Variants in RMST observed in about 807,000 individuals in gnomAD.
RMST encodes rhabdomyosarcoma 2 associated transcript.
intron 5 of RMST, among the ~76,000 whole-genome samples, chr12:97,467,828 G>A (rs1873377635): frequency 6.6e-6 from 1 of 151,960 alleles, no homozygotes; most frequent in Non-Finnish European, 1.5e-5. Flanking sequence ...CGGGGGAAAG[G>A]CTAAAACCTG....
In RMST at chr12:97,546,543, C is replaced by T. The variant is rs553418759; in HGVS notation, n.1546-13994C>T. 2.2e-3 allele frequency among the ~76,000 whole-genome samples: 336 copies of T among 152,144 alleles called. 2 individuals are homozygous for T. Among genetic ancestry groups the T allele is most frequent in the African/African-American group, 7.8e-3 (323 of 41,514 alleles). ...GTTGCAGTGAACCGAGATCTCACCA[C>T]TGCACTCCAGCCTGGGTGACAGAAC... On this transcript the variant is annotated intron_variant and non_coding_transcript_variant, in intron 11 of 13. Transcript: ENST00000640149.
At chr12:97,533,889 G>A (rs1451853086) in intron 11 of RMST, 1 of 151,786 alleles carries the variant, frequency 6.6e-6, no homozygotes, top group East Asian at 1.9e-4. Flanking sequence ...TTTTGCACAA[G>A]CTTTTCATGT....
intron 9 of RMST, chr12:97,495,881 C>T (rs1877362989): frequency 6.6e-6 from 1 of 152,108 alleles, no homozygotes; most frequent in Non-Finnish European, 1.5e-5. Context: ...CTGGTTCTTT[C>T]TGGATCCATC....
intron 10 of RMST, chr12:97,530,228 T>C (rs1881503405): frequency 6.6e-6 from 1 of 152,012 alleles, no homozygotes; most frequent in Non-Finnish European, 1.5e-5. Context: ...TTTCTAAAAC[T>C]TTCCTTAAAT....
At chr12:97,542,307 C>T (rs2136625719) in intron 11 of RMST, among the ~76,000 whole-genome samples, 1 of 151,938 alleles carries the variant, frequency 6.6e-6, no homozygotes, top group East Asian at 1.9e-4. Context: ...TGCTTCTCCA[C>T]TCAAGGGATA....
At chr12:97,463,073 C>T (rs1427907701) in intron 3 of RMST, 1 of 149,920 alleles carries the variant, frequency 6.7e-6, no homozygotes, top group South Asian at 2.2e-4. Context: ...CACACACACA[C>T]AGAGACGCAC....
intron 5 of RMST, among the ~76,000 whole-genome samples, chr12:97,476,393 G>T (rs1208104422): frequency 6.6e-6 from 1 of 152,168 alleles, no homozygotes; most frequent in Non-Finnish European, 1.5e-5. Flanking sequence ...ATGCCCAAGT[G>T]TGTATAGAAA....
At chr12:97,524,057 C>G (rs1203893594) in intron 10 of RMST, among the ~76,000 whole-genome samples, 1 of 63,052 alleles carries the variant, frequency 1.6e-5, no homozygotes, top group African/African-American at 5.1e-5. Context: ...GCCTGGGCAA[C>G]AGAGTGAGAC....
At chr12:97,525,370 A>G (rs756077005) in intron 10 of RMST, among the ~76,000 whole-genome samples, 30 of 152,228 alleles carry the variant, frequency 2.0e-4, no homozygotes, top group Non-Finnish European at 2.8e-4. Context: ...GGTAGGCATT[A>G]GCGGGTGGAT....
At chr12:97,470,949 C>T (rs1873839137) in intron 5 of RMST, among the ~76,000 whole-genome samples, 1 of 152,050 alleles carries the variant, frequency 6.6e-6, no homozygotes, top group African/African-American at 2.4e-5. Flanking sequence ...ACTCCTAGTG[C>T]AAATCTCCTC....
chr12:97,526,055 A>C (rs998368872), intron 10 of RMST, among the ~76,000 whole-genome samples: 1 of 151,934 alleles, frequency 6.6e-6, no homozygotes, highest in African/African-American at 2.4e-5. Context: ...GCAGGAAAAC[A>C]AGCTCAGGGC....
At chr12:97,511,683 C>A (rs759123238) in intron 10 of RMST, among the ~76,000 whole-genome samples, 2 of 152,108 alleles carry the variant, frequency 1.3e-5, no homozygotes, top group Admixed American at 6.5e-5. Flanking sequence ...GAAGTAAGTA[C>A]TATTTTGAAG....
At position 97,519,545 on chromosome 12, in the gene RMST, T is replaced by C. The variant is rs528493586; in HGVS notation, n.1341-11110T>C. Among the ~76,000 whole-genome samples, 118 of 152,338 alleles carry C rather than the reference T, an allele frequency of 7.7e-4. 1 individual carries two copies. The highest frequency in any genetic ancestry group is 2.7e-3 in the African/African-American group (113 of 41,584). On this transcript the variant is annotated intron_variant and non_coding_transcript_variant, in intron 10 of 13. Transcript: ENST00000640149. ...AGAGTTTTAAAATTTTATTTGAAAT[T>C]TAATGTTCCACAATCGTATAATTTT...
chr12:97,518,368 T>C (rs1880151412), intron 10 of RMST, among the ~76,000 whole-genome samples: 1 of 152,214 alleles, frequency 6.6e-6, no homozygotes, highest in African/African-American at 2.4e-5. Context: ...TTTGAACTTC[T>C]TGCCCACAGT....
chr12:97,563,807 G>A (rs532739961), intron 13 of RMST: 46 of 503,326 alleles, frequency 9.1e-5, no homozygotes, highest in Admixed American at 3.2e-4. Context: ...TTTTGCATCC[G>A]ACCAAGATAA....
At chr12:97,561,199 T>C (rs1280833434) in intron 13 of RMST, among the ~76,000 whole-genome samples, 1 of 152,252 alleles carries the variant, frequency 6.6e-6, no homozygotes, top group Non-Finnish European at 1.5e-5. Context: ...CTTGCCCATG[T>C]TGTTATTTAC....
chr12:97,523,218 T>C (rs1343316482), intron 10 of RMST, among the ~76,000 whole-genome samples: 1 of 152,262 alleles, frequency 6.6e-6, no homozygotes, highest in Non-Finnish European at 1.5e-5. Flanking sequence ...TATGACTGTA[T>C]ACTTGTGTTA....
intron 5 of RMST, among the ~76,000 whole-genome samples, chr12:97,467,289 C>T (rs1287161015): frequency 2.0e-5 from 3 of 151,876 alleles, no homozygotes; most frequent in East Asian, 1.9e-4. Context: ...ACACAAGTAA[C>T]GTTAATCACA....
At chr12:97,482,174 G>A (rs1285537506) in intron 5 of RMST, among the ~76,000 whole-genome samples, 1 of 152,168 alleles carries the variant, frequency 6.6e-6, no homozygotes, top group Non-Finnish European at 1.5e-5. Context: ...CAGTTTTTAA[G>A]TACATTGTCC....
Sources: allele counts gnomAD v4.1 joint callset (sites outside exome capture counted in the v4.1 genomes callset), GRCh38; gene constraint gnomAD v4.1.1; transcripts MANE v1.5; gene names NCBI Gene and HGNC (gene_info 2026-07-23, HGNC 2026-07-21).